PLCXD3: variants seen among roughly 807,000 people sequenced by gnomAD.
PLCXD3 encodes the protein phosphatidylinositol specific phospholipase C X domain containing 3, also known as PI-PLC X domain-containing protein 3.
In PLCXD3, 19 loss-of-function variants were observed where a neutral mutation model predicts 25.5. The ratio of observed to expected loss-of-function variants is 0.75; its 90% CI spans 0.52 to 1.09. The LOEUF (loss-of-function observed/expected upper bound fraction) is 1.09, where lower values mean the gene tolerates loss of function less well. Among genes scored for constraint, PLCXD3 ranks in the 50% least tolerant of loss-of-function variants. The pLI is 0.00. For missense variants in PLCXD3, 411 were observed against 388.1 expected (o/e 1.06, Z -0.50); for synonymous variants, 174 against 137.6 (o/e 1.26, Z -1.85).
intron 1 of PLCXD3, among the ~76,000 whole-genome samples, chr5:41,508,182 C>T (rs981880182): frequency 4.6e-5 from 7 of 152,150 alleles, no homozygotes; most frequent in Admixed American, 1.3e-4. Flanking sequence ...TATAAATTCC[C>T]ATGGAAGCCC....
At position 41,508,243 on chromosome 5, in the gene PLCXD3, C is replaced by T. The variant is rs529397662; in HGVS notation, c.103+2181G>A. Among the ~76,000 whole-genome samples the T allele has an allele frequency of 3.3e-5, 5 of 152,298 alleles. No homozygotes were observed. The South Asian group carries it at 1.0e-3, about 32-fold the overall frequency. Reference sequence around the variant, plus strand: ...TCTAAGATCACCCAGATACCAAAATCTCTCACCTCAGGTTTTTATTTTGTC... The same window carrying T: ...TCTAAGATCACCCAGATACCAAAATTTCTCACCTCAGGTTTTTATTTTGTC... On this transcript the variant is annotated intron_variant, in intron 1 of 2. Transcript: ENST00000377801.
At chr5:41,363,452 T>C (rs1271699974) in intron 2 of PLCXD3, among the ~76,000 whole-genome samples, 1 of 152,190 alleles carries the variant, frequency 6.6e-6, no homozygotes, top group Non-Finnish European at 1.5e-5. Flanking sequence ...GACTCTAAAG[T>C]AGTGGAATTT....
chr5:41,331,018 C>T (rs1478150852), intron 2 of PLCXD3, among the ~76,000 whole-genome samples: 1 of 151,830 alleles, frequency 6.6e-6, no homozygotes, highest in East Asian at 1.9e-4. Flanking sequence ...TGGAAGCATT[C>T]CCTTTGAAAA....
At chr5:41,363,445 T>TCTAA (rs1206297215) in intron 2 of PLCXD3, among the ~76,000 whole-genome samples, 1 of 152,166 alleles carries the variant, frequency 6.6e-6, no homozygotes, top group Admixed American at 6.5e-5. Flanking sequence ...GACAGATGAC[T>TCTAA]CTAAAGTAGT....
intron 1 of PLCXD3, among the ~76,000 whole-genome samples, chr5:41,424,356 C>T (rs1417350797): frequency 6.6e-6 from 1 of 152,170 alleles, no homozygotes; most frequent in Non-Finnish European, 1.5e-5. Flanking sequence ...CCAGCCTCAA[C>T]ATGGATAAAC....
At chr5:41,443,571 A>C (rs1045152148) in intron 1 of PLCXD3, among the ~76,000 whole-genome samples, 1 of 152,196 alleles carries the variant, frequency 6.6e-6, no homozygotes, top group Non-Finnish European at 1.5e-5. Flanking sequence ...GTAAGCATCC[A>C]TTATATTGTT....
chr5:41,316,637 G>C (rs1052581789), intron 2 of PLCXD3, among the ~76,000 whole-genome samples: 2 of 152,266 alleles, frequency 1.3e-5, no homozygotes, highest in East Asian at 1.9e-4. Context: ...TGCCCTGAAG[G>C]GTGAGTCCCA....
chr5:41,412,197 C>T (rs1434553627), intron 1 of PLCXD3, among the ~76,000 whole-genome samples: 6 of 151,946 alleles, frequency 3.9e-5, no homozygotes, highest in Non-Finnish European at 7.4e-5. Context: ...CATGTTTGGT[C>T]TCTTTAGGAA....
At chr5:41,353,626 A>C (rs983201006) in intron 2 of PLCXD3, among the ~76,000 whole-genome samples, 1 of 152,216 alleles carries the variant, frequency 6.6e-6, no homozygotes, top group Non-Finnish European at 1.5e-5. Flanking sequence ...AAGAGAAAAA[A>C]ATCCATGCCT....
At chr5:41,348,355 A>C (rs1393471532) in intron 2 of PLCXD3, among the ~76,000 whole-genome samples, 2 of 152,190 alleles carry the variant, frequency 1.3e-5, no homozygotes, top group East Asian at 3.9e-4. Flanking sequence ...AATTCTTGTC[A>C]GAAAGTCATT....
At chr5:41,509,146 C>A (rs1396933992) in intron 1 of PLCXD3, among the ~76,000 whole-genome samples, 1 of 152,088 alleles carries the variant, frequency 6.6e-6, no homozygotes, top group Non-Finnish European at 1.5e-5. Flanking sequence ...TCAAAATAAC[C>A]CTTCTTTTGT....
At chr5:41,372,755 AG>A (rs1745141915) in intron 2 of PLCXD3, among the ~76,000 whole-genome samples, 1 of 152,014 alleles carries the variant, frequency 6.6e-6, no homozygotes, top group Non-Finnish European at 1.5e-5. Context: ...TTAAAAACTG[AG>A]TTCTTGGCCA....
chr5:41,379,309 T>C (rs1745385617), intron 2 of PLCXD3, among the ~76,000 whole-genome samples: 1 of 152,028 alleles, frequency 6.6e-6, no homozygotes, highest in Non-Finnish European at 1.5e-5. Context: ...TCTAAGTTTG[T>C]GAGAAAGGGG....
chr5:41,318,481 CT>C (rs1188305962), intron 2 of PLCXD3, among the ~76,000 whole-genome samples: 1 of 152,088 alleles, frequency 6.6e-6, no homozygotes, highest in African/African-American at 2.4e-5. Context: ...TATTAGTTTA[CT>C]TTTTGTTTGT....
intron 2 of PLCXD3, among the ~76,000 whole-genome samples, chr5:41,379,924 A>C (rs776972704): frequency 1.8e-4 from 27 of 152,132 alleles, no homozygotes; most frequent in Non-Finnish European, 3.4e-4. Context: ...ACTTTCATAG[A>C]GTATACAATG....
At chr5:41,322,743 G>A (rs1396318133) in intron 2 of PLCXD3, among the ~76,000 whole-genome samples, 2 of 152,192 alleles carry the variant, frequency 1.3e-5, no homozygotes, top group African/African-American at 2.4e-5. Flanking sequence ...TTGGGAGGCT[G>A]AGGTGGGCAG....
chr5:41,322,819 C>CA (rs35684553), intron 2 of PLCXD3, among the ~76,000 whole-genome samples: 130,943 of 152,030 alleles, frequency 0.86, 56,779 homozygotes, highest in African/African-American at 0.96. Context: ...TACTAAAATA[C>CA]AAAAATTAGT....
intron 1 of PLCXD3, among the ~76,000 whole-genome samples, chr5:41,472,166 C>A (rs1322265062): frequency 1.3e-5 from 2 of 151,620 alleles, no homozygotes; most frequent in African/African-American, 4.9e-5. Context: ...TTTAAAGCTA[C>A]AAATGGAATG....
chr5:41,478,238 A>G (rs955513496), intron 1 of PLCXD3, among the ~76,000 whole-genome samples: 1 of 152,184 alleles, frequency 6.6e-6, no homozygotes, highest in African/African-American at 2.4e-5. Flanking sequence ...CAATTCCTCA[A>G]TTCTCAGAGG....
Sources: gnomAD v4.1 joint callset for allele counts (sites outside exome capture counted in the v4.1 genomes callset) on GRCh38, gnomAD v4.1.1 for gene constraint, MANE v1.5 for transcripts, NCBI Gene and HGNC (gene_info 2026-07-23, HGNC 2026-07-21) for gene names.